The following DEAF1 variants were observed in gnomAD, a reference collection of about 807,000 sequenced individuals.
DEAF1 encodes deformed epidermal autoregulatory factor 1 homolog.
A neutral mutation model predicts 58.9 loss-of-function variants in DEAF1; 53 were observed. The ratio of observed to expected loss-of-function variants is 0.90; its 90% confidence interval spans 0.72 to 1.13. DEAF1 has a LOEUF of 1.13. Among genes scored for constraint, DEAF1 ranks in the 50% most tolerant of loss-of-function variants. DEAF1 has a pLI of 0.00. For synonymous variants in DEAF1, 385 were observed against 340.4 expected (o/e 1.13, Z -1.44); for missense variants, 685 against 791.4 (o/e 0.87, Z 1.61).
intron 6 of DEAF1, among the ~76,000 whole-genome samples, chr11:681,855 T>C (rs1429748068): frequency 6.6e-6 from 1 of 152,218 alleles, no homozygotes; most frequent in Non-Finnish European, 1.5e-5. Flanking sequence ...AGCTTTTTCC[T>C]GTTAACCCCA....
chr11:683,289 TA>T (rs1277527255), intron 6 of DEAF1, among the ~76,000 whole-genome samples: 2 of 152,358 alleles, frequency 1.3e-5, no homozygotes, highest in Admixed American at 6.5e-5. Flanking sequence ...TGTTTTCTCC[TA>T]AAAATGTTAT....
intron 8 of DEAF1, 64 bp downstream of exon 8, chr11:679,624 G>A: frequency 6.2e-7 from 1 of 1,601,060 alleles, no homozygotes; most frequent in Non-Finnish European, 8.5e-7. Flanking sequence ...TGTGGCGTCG[G>A]GGATGTGATG....
intron 7 of DEAF1, among the ~76,000 whole-genome samples, chr11:680,703 T>G (rs1367067507): frequency 1.3e-5 from 2 of 152,158 alleles, no homozygotes; most frequent in African/African-American, 2.4e-5. Context: ...CACTCAGCCA[T>G]GCTCACTCAT....
chr11:673,116 T>C (rs1248707620), intron 10 of DEAF1, among the ~76,000 whole-genome samples: 1 of 151,768 alleles, frequency 6.6e-6, no homozygotes, highest in Admixed American at 6.6e-5. Flanking sequence ...GCCACTGCAC[T>C]CCAGCCTGGG....
At chr11:647,191 C>T (rs1201468750) in intron 11 of DEAF1, among the ~76,000 whole-genome samples, 1 of 151,834 alleles carries the variant, frequency 6.6e-6, no homozygotes, top group Non-Finnish European at 1.5e-5. Context: ...TACGGTGGCT[C>T]ATGCCAGTAA....
At chr11:681,177 G>T (rs1860347051) in intron 6 of DEAF1, 88 bp from the exon 7 acceptor site, 1 of 1,573,164 alleles carries the variant, frequency 6.4e-7, no homozygotes, top group African/African-American at 1.3e-5. Flanking sequence ...GGGCACCGCG[G>T]GGTGTGTGAG....
chr11:690,768 C>T (rs929374602), intron 2 of DEAF1, among the ~76,000 whole-genome samples: 2 of 152,090 alleles, frequency 1.3e-5, no homozygotes, highest in African/African-American at 4.8e-5. Context: ...AACAAATAAC[C>T]ACTCTGCTTT....
intron 1 of DEAF1, chr11:692,114 A>C: frequency 1.4e-5 from 3 of 220,806 alleles, no homozygotes; most frequent in Non-Finnish European, 1.8e-5. Flanking sequence ...TTGGTCTCTG[A>C]CCCCTTCCTC....
At position 695,030 on chromosome 11, in the gene DEAF1, C is replaced by T. The variant is rs1681010738; in HGVS notation, c.18G>A (p.Ser6=). Residue 6 remains serine, a synonymous_variant, in exon 1 of 12, where the codon TCG becomes TCA. Coordinates refer to ENST00000382409, the MANE Select transcript of DEAF1 (RefSeq NM_021008.4). The part of the protein sequence containing the change: MEDSD[S]AAKQLGLAEA... Reference sequence around the variant, plus strand: ...CAGCCAGGCCCAGCTGCTTTGCCGCCGAGTCCGAGTCCTCCATCCGGACTC... The same window carrying T: ...CAGCCAGGCCCAGCTGCTTTGCCGCTGAGTCCGAGTCCTCCATCCGGACTC... 2.1e-6 allele frequency: 3 copies of T among 1,415,088 alleles called. No homozygotes were observed. Among genetic ancestry groups the T allele is most frequent in the African/African-American group, 1.5e-5 (1 of 66,444 alleles). 87.7% of individuals were successfully genotyped at this position (1,415,088 alleles called of 1,614,324 possible).
intron 7 of DEAF1, among the ~76,000 whole-genome samples, chr11:680,750 G>A (rs1007426132): frequency 2.6e-5 from 4 of 152,216 alleles, no homozygotes; most frequent in Admixed American, 2.0e-4. Flanking sequence ...AACAGTGTCC[G>A]GGTCCCAGGG....
intron 6 of DEAF1, among the ~76,000 whole-genome samples, chr11:684,123 C>CCT (rs1860485685): frequency 7.0e-6 from 1 of 143,826 alleles, no homozygotes; most frequent in Non-Finnish European, 1.5e-5. Flanking sequence ...TCTCCATGCT[C>CCT]TTTTTTTTTT....
chr11:650,716 G>A lies in DEAF1; in HGVS notation c.1593+3246C>T, dbSNP rs977150530. ...GCCTGTCATCCCAGCACTTTGGGAGGCCAAGCGGGGGTGGAACACTTGAGT... is the reference window on the plus strand; with the variant it reads ...GCCTGTCATCCCAGCACTTTGGGAGACCAAGCGGGGGTGGAACACTTGAGT... On this transcript the variant is annotated intron_variant, in intron 11 of 11. Coordinates refer to ENST00000382409, the MANE Select transcript of DEAF1 (RefSeq NM_021008.4). Among the ~76,000 whole-genome samples, 3 of 151,612 alleles carry A rather than the reference G, an allele frequency of 2.0e-5. No individual in the cohort carries two copies. In the East Asian group the frequency reaches 6.1e-4, roughly 31 times the overall value.
chr11:705,191 G>A (rs11246274), intron 1 of DEAF1: 5,948 of 165,012 alleles, frequency 0.036, 136 homozygotes, highest in East Asian at 0.088. Flanking sequence ...ACCATAGCCC[G>A]GGGACCCAGA....
chr11:652,375 C>T (rs1858815548), intron 11 of DEAF1, among the ~76,000 whole-genome samples: 1 of 152,186 alleles, frequency 6.6e-6, no homozygotes, highest in Non-Finnish European at 1.5e-5. Context: ...CCGTGGCTCA[C>T]ACTTGCAATC....
chr11:649,292 G>A (rs1858649334), intron 11 of DEAF1, among the ~76,000 whole-genome samples: 1 of 151,594 alleles, frequency 6.6e-6, no homozygotes, highest in South Asian at 2.1e-4. Context: ...CATGGTGGCG[G>A]GTGCCTGTAA....
At chr11:670,777 GTTTTTTT>G (rs1250514235) in intron 10 of DEAF1, among the ~76,000 whole-genome samples, 1 of 18,974 alleles carries the variant, frequency 5.3e-5, no homozygotes, top group Non-Finnish European at 1.1e-4. Flanking sequence ...TTTTGTTTTT[GTTTTTTT>G]TTTTTTTTTT....
At chr11:670,817 GC>G (rs1245417868) in intron 10 of DEAF1, among the ~76,000 whole-genome samples, 1 of 105,764 alleles carries the variant, frequency 9.5e-6, no homozygotes, top group African/African-American at 3.8e-5. Context: ...TCACTCTGTT[GC>G]CCAGGCTGGA....
intron 10 of DEAF1, among the ~76,000 whole-genome samples, chr11:660,775 TG>T (rs1859285912): frequency 6.6e-6 from 1 of 152,230 alleles, no homozygotes; most frequent in African/African-American, 2.4e-5. Context: ...AGGCTGACAC[TG>T]GAGAACAAGG....
At chr11:663,526 T>C (rs561353169) in intron 10 of DEAF1, among the ~76,000 whole-genome samples, 1 of 149,190 alleles carries the variant, frequency 6.7e-6, no homozygotes, top group Admixed American at 6.7e-5. Context: ...CTGCCTCTGG[T>C]GTGAATACCA....
Sources: allele counts gnomAD v4.1 joint callset (sites outside exome capture counted in the v4.1 genomes callset), GRCh38; gene constraint gnomAD v4.1.1; transcripts MANE v1.5; gene names NCBI Gene and HGNC (gene_info 2026-07-23, HGNC 2026-07-21).